SMYD3: variants seen among roughly 807,000 people sequenced by gnomAD.
SMYD3 encodes the protein SET and MYND domain containing 3.
In SMYD3, 36 loss-of-function variants were observed where a neutral mutation model predicts 57.7. The observed-to-expected ratio is 0.62, with a 90% CI of 0.48 to 0.82. SMYD3 has a LOEUF of 0.82. Ranked by LOEUF, SMYD3 falls within the 40% of genes least tolerant of loss-of-function variation. The pLI is 0.00. For missense variants in SMYD3, 515 were observed against 538.8 expected (o/e 0.96, Z 0.44); for synonymous variants, 211 against 195.0 (o/e 1.08, Z -0.68).
At chr1:246,116,201 GACACAC>G (rs56722969) in intron 5 of SMYD3, among the ~76,000 whole-genome samples, 6,006 of 145,956 alleles carry the variant, frequency 0.041, 132 homozygotes, top group Non-Finnish European at 0.06. Flanking sequence ...CCCTGAGATG[GACACAC>G]ACACACACAC....
intron 5 of SMYD3, among the ~76,000 whole-genome samples, chr1:246,296,371 T>G (rs2064795494): frequency 6.6e-6 from 1 of 152,226 alleles, no homozygotes; most frequent in Admixed American, 6.5e-5. Context: ...GCATGCTGAA[T>G]GTCTAGAATG....
At chr1:246,178,816 T>C (rs2062480007) in intron 5 of SMYD3, 2 of 150,820 alleles carry the variant, frequency 1.3e-5, no homozygotes, top group Non-Finnish European at 2.9e-5. Flanking sequence ...CTGAATCATA[T>C]TTGTGACCAA....
At chr1:245,788,319 G>C (rs2047133347) in intron 10 of SMYD3, among the ~76,000 whole-genome samples, 1 of 152,202 alleles carries the variant, frequency 6.6e-6, no homozygotes, top group African/African-American at 2.4e-5. Flanking sequence ...ATGGTGTCCA[G>C]GGCACCTATG....
At chr1:246,253,824 C>A (rs2063834420) in intron 5 of SMYD3, among the ~76,000 whole-genome samples, 1 of 152,118 alleles carries the variant, frequency 6.6e-6, no homozygotes, top group Non-Finnish European at 1.5e-5. Context: ...AACTATATGT[C>A]TTTTTGGTAG....
chr1:246,003,787 T>C (rs2059122563), intron 5 of SMYD3, among the ~76,000 whole-genome samples: 2 of 152,232 alleles, frequency 1.3e-5, no homozygotes, highest in Admixed American at 6.5e-5. Context: ...TAAACACTAA[T>C]ATTTACTTTG....
chr1:245,917,417 C>T (rs2055516118), intron 7 of SMYD3, among the ~76,000 whole-genome samples: 1 of 152,224 alleles, frequency 6.6e-6, no homozygotes, highest in Non-Finnish European at 1.5e-5. Flanking sequence ...GGTCCTTCGT[C>T]ATAGGTAGAG....
chr1:246,462,429 G>A (rs747820740), intron 1 of SMYD3, among the ~76,000 whole-genome samples: 11 of 152,126 alleles, frequency 7.2e-5, no homozygotes, highest in Non-Finnish European at 1.6e-4. Context: ...CGACTCCATG[G>A]GGGCCTGGCC....
rs112171823 is a variant in SMYD3 at position 246,173,520 on chromosome 1, T to C, written c.531+153681A>G. On this transcript the variant is annotated intron_variant, in intron 5 of 11. Coordinates refer to ENST00000490107, the MANE Select transcript of SMYD3 (RefSeq NM_001167740.2). Reference sequence around the variant, plus strand: ...AACACTAACACATTGTTCAGCTGTATGAAAACATTTCCTTTTTTATAACCT... The same window carrying C: ...AACACTAACACATTGTTCAGCTGTACGAAAACATTTCCTTTTTTATAACCT... Among the ~76,000 whole-genome samples, 248 of 152,376 alleles carry C rather than the reference T, an allele frequency of 1.6e-3. 1 individual carries two copies. The highest frequency in any genetic ancestry group is 5.5e-3 in the African/African-American group (229 of 41,598).
At chr1:246,352,135 T>TAAAA in intron 2 of SMYD3, among the ~76,000 whole-genome samples, 1 of 18,686 alleles carries the variant, frequency 5.4e-5, no homozygotes, top group East Asian at 4.6e-3. Context: ...AGACTCTGTC[T>TAAAA]CAAAAAAAAA....
chr1:245,752,791 C>T (rs550893391), intron 11 of SMYD3, among the ~76,000 whole-genome samples: 3 of 152,312 alleles, frequency 2.0e-5, no homozygotes, highest in African/African-American at 7.2e-5. Context: ...TCACAGCCTG[C>T]TTCCTTGAGG....
intron 5 of SMYD3, chr1:245,988,272 C>G (rs2058744888): frequency 6.6e-6 from 1 of 152,236 alleles, no homozygotes; most frequent in African/African-American, 2.4e-5. Context: ...ACAACCCAGT[C>G]TCTGGAAACA....
intron 10 of SMYD3, 36 bp downstream of exon 10, chr1:245,858,460 C>T (rs1176415647): frequency 1.9e-6 from 3 of 1,594,792 alleles, no homozygotes; most frequent in Non-Finnish European, 2.6e-6. Flanking sequence ...GTGAAGACGT[C>T]CTAGCCCTTA....
At chr1:246,354,875 T>C (rs2065886898) in intron 2 of SMYD3, among the ~76,000 whole-genome samples, 156 bp downstream of exon 2, 1 of 152,160 alleles carries the variant, frequency 6.6e-6, no homozygotes, top group Non-Finnish European at 1.5e-5. Flanking sequence ...AACATTTTAA[T>C]GTCCCTGGCA....
intron 5 of SMYD3, among the ~76,000 whole-genome samples, chr1:245,953,053 T>C (rs980173108): frequency 6.6e-6 from 1 of 152,146 alleles, no homozygotes; most frequent in Non-Finnish European, 1.5e-5. Context: ...TCTAAGAATC[T>C]AAAAGGAATT....
At chr1:246,380,085 C>A (rs1265326672) in intron 1 of SMYD3, among the ~76,000 whole-genome samples, 1 of 151,826 alleles carries the variant, frequency 6.6e-6, no homozygotes, top group Non-Finnish European at 1.5e-5. Context: ...TGGAAAACTT[C>A]TACACATTTT....
chr1:246,150,335 A>G (rs2061922237), intron 5 of SMYD3, among the ~76,000 whole-genome samples: 1 of 152,206 alleles, frequency 6.6e-6, no homozygotes, highest in Non-Finnish European at 1.5e-5. Context: ...TTCTTGACAC[A>G]TCAAGTTTAG....
chr1:245,834,532 T>C (rs1467069684), intron 10 of SMYD3, among the ~76,000 whole-genome samples: 1 of 152,222 alleles, frequency 6.6e-6, no homozygotes, highest in Non-Finnish European at 1.5e-5. Flanking sequence ...AGAATGAACT[T>C]CTGTTCTCTG....
At chr1:245,960,231 G>A (rs1383774326) in intron 5 of SMYD3, among the ~76,000 whole-genome samples, 2 of 152,214 alleles carry the variant, frequency 1.3e-5, no homozygotes, top group Admixed American at 1.3e-4. Context: ...TTGATGCAAA[G>A]ATCTGTGATA....
chr1:245,955,954 A>G, intron 5 of SMYD3: 2 of 985,204 alleles, frequency 2.0e-6, no homozygotes, highest in Non-Finnish European at 2.4e-6. Flanking sequence ...TATAGCTGAC[A>G]GACCTCTTGA....
Sources: allele counts gnomAD v4.1 joint callset (sites outside exome capture counted in the v4.1 genomes callset), GRCh38; gene constraint gnomAD v4.1.1; transcripts MANE v1.5; gene names NCBI Gene and HGNC (gene_info 2026-07-23, HGNC 2026-07-21).